The following MAGI2 variants were observed in gnomAD, a reference collection of about 807,000 sequenced individuals.
The protein encoded by MAGI2 is membrane-associated guanylate kinase, WW and PDZ domain-containing protein 2.
Under a neutral mutation model 133.3 loss-of-function variants are expected in MAGI2, and 35 were observed. The observed-to-expected ratio is 0.26, with a 90% CI of 0.20 to 0.35. The LOEUF is 0.35. MAGI2 is among the 10% of genes least tolerant of loss of function. The probability of loss-of-function intolerance (pLI) is 1.00; values close to 1 mark genes in which losing one functional copy is unlikely to be tolerated. For synonymous variants in MAGI2, 729 were observed against 710.6 expected, an observed-to-expected ratio of 1.03 and a Z score of -0.41; for missense variants, 1,636 against 1,863.4, an observed-to-expected ratio of 0.88 and a Z score of 2.25.
At chr7:78,785,275 T>C (rs1826721036) in intron 2 of MAGI2, among the ~76,000 whole-genome samples, 1 of 152,216 alleles carries the variant, frequency 6.6e-6, no homozygotes, top group Non-Finnish European at 1.5e-5. Flanking sequence ...TCAGTTTGTT[T>C]AAAAGTCAAT....
intron 2 of MAGI2, among the ~76,000 whole-genome samples, chr7:78,886,748 T>C (rs1796302083): frequency 6.6e-6 from 1 of 152,220 alleles, no homozygotes; most frequent in African/African-American, 2.4e-5. Flanking sequence ...CTTTCTCATC[T>C]GGAAAACGAT....
chr7:79,405,834 A>C (rs1563193963), intron 1 of MAGI2, among the ~76,000 whole-genome samples: 1 of 151,710 alleles, frequency 6.6e-6, no homozygotes, highest in Non-Finnish European at 1.5e-5. Context: ...TGAGAGCCCA[A>C]AATATCCTTT....
intron 2 of MAGI2, among the ~76,000 whole-genome samples, chr7:78,644,309 A>G (rs982255928): frequency 6.6e-6 from 1 of 152,122 alleles, no homozygotes; most frequent in Non-Finnish European, 1.5e-5. Context: ...GAACCACACT[A>G]TCTACCAAAT....
At chr7:78,198,514 C>T (rs1425646804) in intron 11 of MAGI2, among the ~76,000 whole-genome samples, 2 of 147,196 alleles carry the variant, frequency 1.4e-5, no homozygotes, top group Non-Finnish European at 3.0e-5. Context: ...TTACTGCAAC[C>T]TCCGCCTCCC....
At chr7:79,019,635 C>G (rs989115638) in intron 1 of MAGI2, among the ~76,000 whole-genome samples, 2 of 152,052 alleles carry the variant, frequency 1.3e-5, no homozygotes, top group East Asian at 3.9e-4. Flanking sequence ...ACTTCTGCAT[C>G]CTGGGTTCAA....
intron 1 of MAGI2, among the ~76,000 whole-genome samples, chr7:79,339,224 T>C (rs1840705782): frequency 6.6e-6 from 1 of 152,176 alleles, no homozygotes; most frequent in Non-Finnish European, 1.5e-5. Context: ...CCATGCCAAA[T>C]TGTCAAACAT....
chr7:78,249,769 T>C (rs150382133), intron 10 of MAGI2, among the ~76,000 whole-genome samples: 165 of 152,060 alleles, frequency 1.1e-3, no homozygotes, highest in Middle Eastern at 0.01. Flanking sequence ...TAGGAGAAAA[T>C]AGTTCCTGTG....
At chr7:78,084,421 T>C (rs1816391692) in intron 20 of MAGI2, among the ~76,000 whole-genome samples, 1 of 152,190 alleles carries the variant, frequency 6.6e-6, no homozygotes, top group South Asian at 2.1e-4. Flanking sequence ...TTAATCACAG[T>C]TGAGTCAATG....
intron 1 of MAGI2, among the ~76,000 whole-genome samples, chr7:79,449,077 T>G (rs1455708199): frequency 1.3e-5 from 2 of 152,112 alleles, no homozygotes; most frequent in Non-Finnish European, 1.5e-5. Flanking sequence ...TTCATATACC[T>G]CACATTTCTA....
At position 78,677,740 on chromosome 7, in the gene MAGI2, G is replaced by A. The variant is rs1027292076; in HGVS notation, c.419-50501C>T. Among the ~76,000 whole-genome samples the A allele has an allele frequency of 4.6e-5, 7 of 151,946 alleles. 1 individual carries two copies. The highest frequency in any genetic ancestry group is 4.2e-4 in the South Asian group (2 of 4,812). On this transcript the variant is annotated intron_variant, in intron 2 of 21. Transcript: ENST00000354212. ...TCTTTGGCATTTATTACATAATTTC[G>A]TCCAATCCTCTTAGTTTTTGGAATG...
chr7:78,184,809 T>C (rs1195605882), intron 13 of MAGI2, among the ~76,000 whole-genome samples: 1 of 152,214 alleles, frequency 6.6e-6, no homozygotes, highest in Non-Finnish European at 1.5e-5. Flanking sequence ...TGAAAGCTCT[T>C]AAAATTAAAA....
intron 1 of MAGI2, among the ~76,000 whole-genome samples, chr7:79,206,864 C>T (rs953160850): frequency 6.6e-6 from 1 of 151,678 alleles, no homozygotes; most frequent in African/African-American, 2.4e-5. Flanking sequence ...ATCCATGGCA[C>T]CACAATCAAA....
At chr7:79,323,103 G>T (rs752518660) in intron 1 of MAGI2, among the ~76,000 whole-genome samples, 11 of 152,068 alleles carry the variant, frequency 7.2e-5, no homozygotes, top group Admixed American at 2.6e-4. Context: ...CTCCCAAAGT[G>T]CTGGGATTGA....
chr7:79,109,494 A>T (rs902102558), intron 1 of MAGI2, among the ~76,000 whole-genome samples: 10 of 152,338 alleles, frequency 6.6e-5, no homozygotes, highest in African/African-American at 2.4e-4. Flanking sequence ...ATGTCTAAGG[A>T]GCAAAGCATT....
At chr7:79,260,419 A>G (rs893151383) in intron 1 of MAGI2, among the ~76,000 whole-genome samples, 1 of 151,036 alleles carries the variant, frequency 6.6e-6, no homozygotes, top group Non-Finnish European at 1.5e-5. Context: ...TACATACACT[A>G]CATTTATGAC....
At chr7:78,665,299 T>C (rs1813430023) in intron 2 of MAGI2, among the ~76,000 whole-genome samples, 2 of 152,178 alleles carry the variant, frequency 1.3e-5, no homozygotes, top group Admixed American at 1.3e-4. Context: ...AATCATTATA[T>C]GGAATGTGTT....
At chr7:78,998,115 A>C (rs932242788) in intron 2 of MAGI2, among the ~76,000 whole-genome samples, 2 of 152,186 alleles carry the variant, frequency 1.3e-5, no homozygotes, top group African/African-American at 4.8e-5. Flanking sequence ...TGGCATCCTT[A>C]ACTTGACATT....
intron 16 of MAGI2, among the ~76,000 whole-genome samples, chr7:78,143,565 C>T (rs1164919245): frequency 6.6e-6 from 1 of 152,038 alleles, no homozygotes; most frequent in Non-Finnish European, 1.5e-5. Flanking sequence ...AGTAAACAAT[C>T]TTCTAGTGAT....
chr7:78,229,723 A>G (rs1789765912), intron 10 of MAGI2, among the ~76,000 whole-genome samples: 1 of 152,192 alleles, frequency 6.6e-6, no homozygotes. Context: ...AGGGACGATG[A>G]CAGAGAAGGG....
Sources: gnomAD v4.1 joint callset for allele counts (sites outside exome capture counted in the v4.1 genomes callset) on GRCh38, gnomAD v4.1.1 for gene constraint, MANE v1.5 for transcripts, NCBI Gene and HGNC (gene_info 2026-07-23, HGNC 2026-07-21) for gene names.